The following CCDC171 variants were observed in gnomAD, a reference collection of about 807,000 sequenced individuals.
CCDC171 encodes the protein coiled-coil domain-containing protein 171.
CCDC171 carries 177 observed loss-of-function variants against 168.2 expected under a neutral mutation model. The observed-to-expected ratio is 1.05, with a 90% CI of 0.93 to 1.19. CCDC171 has a LOEUF of 1.19. Ranked by LOEUF, CCDC171 falls within the 50% of genes most tolerant of loss-of-function variation. The pLI, the probability that CCDC171 is intolerant of heterozygous loss-of-function variation, is 0.00. For missense variants in CCDC171, 1,991 were observed against 1,539.0 expected (o/e 1.29, Z -4.91); for synonymous variants, 687 against 540.8 (o/e 1.27, Z -3.75).
intron 24 of CCDC171, among the ~76,000 whole-genome samples, chr9:15,896,643 T>G (rs1001024730): frequency 3.3e-5 from 5 of 152,096 alleles, no homozygotes; most frequent in Admixed American, 3.3e-4. Flanking sequence ...TTTTCTCTTC[T>G]ACTGACCTGA....
chr9:15,560,333 G>C (rs1480283697), intron 1 of CCDC171, among the ~76,000 whole-genome samples: 1 of 152,124 alleles, frequency 6.6e-6, no homozygotes, highest in African/African-American at 2.4e-5. Context: ...TTTCCACTGG[G>C]TTCCATTCTC....
At chr9:15,592,587 G>A (rs2042078370) in intron 5 of CCDC171, among the ~76,000 whole-genome samples, 1 of 151,886 alleles carries the variant, frequency 6.6e-6, no homozygotes, top group Non-Finnish European at 1.5e-5. Flanking sequence ...GTTTACTACT[G>A]TATTCTTAGA....
chr9:15,959,363 T>C (rs544810581), intron 25 of CCDC171, among the ~76,000 whole-genome samples: 15 of 152,316 alleles, frequency 9.8e-5, no homozygotes, highest in Admixed American at 3.9e-4. Flanking sequence ...ATATTTCTTA[T>C]GAGTTTCATC....
At position 15,819,546 on chromosome 9, in the gene CCDC171, T is replaced by G. The variant is rs1428265800; in HGVS notation, c.3268-27156T>G. On this transcript the variant is annotated intron_variant, in intron 21 of 25. Coordinates refer to ENST00000380701, the MANE Select transcript of CCDC171 (RefSeq NM_173550.4). ...ATAGGCAGGGGTTGCCATCCTAATCTCGGATAAAACACACTTTAAACCAAC... is the reference window on the plus strand; with the variant it reads ...ATAGGCAGGGGTTGCCATCCTAATCGCGGATAAAACACACTTTAAACCAAC... Among the ~76,000 whole-genome samples the G allele has an allele frequency of 6.1e-5, 7 of 115,608 alleles. 3 individuals are homozygous for G. The allele number at this position is 115,608 out of a possible 152,430, so 75.8% of individuals were successfully genotyped here.
chr9:15,708,265 C>G (rs940351277), intron 11 of CCDC171, among the ~76,000 whole-genome samples: 1 of 152,212 alleles, frequency 6.6e-6, no homozygotes, highest in Non-Finnish European at 1.5e-5. Context: ...CACTTTCATA[C>G]TAATGATTGC....
chr9:16,034,070 A>G (rs190060066), intron 6 of CCDC171, among the ~76,000 whole-genome samples: 4 of 152,224 alleles, frequency 2.6e-5, no homozygotes, highest in Admixed American at 6.5e-5. Flanking sequence ...CATATCTTAC[A>G]TATTTTCAGG....
chr9:16,082,102 T>C, the CCDC171 span, among the ~76,000 whole-genome samples: 1 of 152,162 alleles, frequency 6.6e-6, no homozygotes, highest in Non-Finnish European at 1.5e-5. Context: ...AAGGGAAATA[T>C]TTAGTTTTGG....
At chr9:15,975,382 T>C (rs10738421), downstream of CCDC171, among the ~76,000 whole-genome samples, 3 of 151,624 alleles carry the variant, frequency 2.0e-5, no homozygotes, top group African/African-American at 7.3e-5. Flanking sequence ...GAAAAAAAAA[T>C]TTTTTTTAAT....
At chr9:16,064,517 G>A (rs1833971274), downstream of CCDC171, among the ~76,000 whole-genome samples, 1 of 152,148 alleles carries the variant, frequency 6.6e-6, no homozygotes, top group Non-Finnish European at 1.5e-5. Flanking sequence ...TGACTCTGGG[G>A]TCCCATCTGC....
At chr9:16,097,543 G>A in the CCDC171 span, among the ~76,000 whole-genome samples, 30 of 152,322 alleles carry the variant, frequency 2.0e-4, no homozygotes, top group Admixed American at 1.8e-3. Flanking sequence ...TACACAGCTA[G>A]TGTGTTTCAC....
At chr9:15,787,398 C>G (rs1477331590) in intron 21 of CCDC171, among the ~76,000 whole-genome samples, 1 of 152,144 alleles carries the variant, frequency 6.6e-6, no homozygotes. Flanking sequence ...CTGGTAATCA[C>G]TTCAATGTAC....
intron 1 of CCDC171, among the ~76,000 whole-genome samples, chr9:16,047,074 T>G (rs1310013315): frequency 6.6e-6 from 1 of 152,208 alleles, no homozygotes; most frequent in Non-Finnish European, 1.5e-5. Context: ...TACCACAGTT[T>G]CCCTGGGTGA....
intron 23 of CCDC171, among the ~76,000 whole-genome samples, chr9:15,862,285 T>C (rs1366517979): frequency 2.0e-5 from 3 of 151,878 alleles, no homozygotes; most frequent in Non-Finnish European, 4.4e-5. Context: ...ACTGGGTGAT[T>C]TCACGTGGCC....
At chr9:16,105,281 G>A in the CCDC171 span, among the ~76,000 whole-genome samples, 1 of 152,170 alleles carries the variant, frequency 6.6e-6, no homozygotes, top group African/African-American at 2.4e-5. Context: ...AGAAGTGTGG[G>A]GAAGAAGGCA....
intron 7 of CCDC171, among the ~76,000 whole-genome samples, chr9:15,642,320 T>C (rs1206715219): frequency 7.0e-6 from 1 of 142,602 alleles, no homozygotes; most frequent in Non-Finnish European, 1.5e-5. Flanking sequence ...TACACGTATA[T>C]ATATATATAC....
At chr9:16,057,826 A>G (rs758610195) in intron 1 of CCDC171, among the ~76,000 whole-genome samples, 17 of 152,188 alleles carry the variant, frequency 1.1e-4, no homozygotes, top group Non-Finnish European at 2.4e-4. Context: ...GGCACAGTGG[A>G]CACGGCATCA....
At chr9:15,623,475 G>GCACACAAACA in intron 7 of CCDC171, 62 bp downstream of exon 7, 1 of 311,464 alleles carries the variant, frequency 3.2e-6, no homozygotes, top group Non-Finnish European at 5.9e-6. Context: ...GCGCGCGCGC[G>GCACACAAACA]CACACACACA....
chr9:16,086,301 C>A, the CCDC171 span, among the ~76,000 whole-genome samples: 2 of 148,634 alleles, frequency 1.3e-5, no homozygotes, highest in South Asian at 2.1e-4. Flanking sequence ...GTGGTAATAT[C>A]CCCTTTATCA....
At chr9:16,038,890 A>G (rs1833524479), upstream of CCDC171, among the ~76,000 whole-genome samples, 1 of 144,690 alleles carries the variant, frequency 6.9e-6, no homozygotes, top group Admixed American at 7.2e-5. Context: ...AAAAAGCTGA[A>G]TATAGTTACA....
Sources: gnomAD v4.1 joint callset for allele counts (sites outside exome capture counted in the v4.1 genomes callset) on GRCh38, gnomAD v4.1.1 for gene constraint, MANE v1.5 for transcripts, NCBI Gene and HGNC (gene_info 2026-07-23, HGNC 2026-07-21) for gene names.